STK40: variants seen among roughly 807,000 people sequenced by gnomAD.
STK40 encodes the protein serine/threonine-protein kinase 40.
Under a neutral mutation model 47.9 loss-of-function variants are expected in STK40, and 13 were observed. The observed-to-expected ratio is 0.27, with a 90% confidence interval of 0.18 to 0.43. The LOEUF (loss-of-function observed/expected upper bound fraction) is 0.43. Among genes scored for constraint, STK40 ranks in the 20% least tolerant of loss-of-function variants. The pLI is 1.00. For synonymous variants in STK40, 225 were observed against 243.2 expected (o/e 0.93, Z 0.69); for missense variants, 460 against 595.1 (o/e 0.77, Z 2.36).
chr1:36,375,198 G>A lies in STK40; in HGVS notation c.-9+10525C>T, dbSNP rs115673948. The stretch of plus-strand genomic sequence containing the variant: ...GCCCAGTACATAGGAGGCACTAGAC[G>A]CTTAACTTAGAAATGTTACGTTTCC... On this transcript the variant is annotated intron_variant, in intron 1 of 10. Coordinates refer to ENST00000373132, the MANE Select transcript of STK40 (RefSeq NM_001282547.2). Among the ~76,000 whole-genome samples the A allele has an allele frequency of 1.2e-3, 187 of 152,230 alleles. 1 individual carries two copies. The highest frequency in any genetic ancestry group is 4.3e-3 in the African/African-American group (178 of 41,546).
At chr1:36,344,379 G>A (rs534147826) in intron 7 of STK40, 115 bp from the exon 8 acceptor site, 2 of 1,378,814 alleles carry the variant, frequency 1.5e-6, no homozygotes, top group African/African-American at 2.9e-5. Context: ...TCCCCCCAGA[G>A]TCGTCCTCTG....
chr1:36,360,025 C>A (rs923565041), intron 2 of STK40, among the ~76,000 whole-genome samples: 3 of 152,166 alleles, frequency 2.0e-5, no homozygotes, highest in African/African-American at 7.2e-5. Context: ...ACCTACGGGC[C>A]CTTCTCATCT....
At chr1:36,377,860 TGCTGG>T (rs1362585899) in intron 1 of STK40, among the ~76,000 whole-genome samples, 1 of 152,206 alleles carries the variant, frequency 6.6e-6, no homozygotes, top group African/African-American at 2.4e-5. Context: ...ACCTGGGCCT[TGCTGG>T]AGCTGGCCCC....
chr1:36,344,085 G>T, intron 8 of STK40, 35 bp downstream of exon 8: 1 of 1,601,076 alleles, frequency 6.2e-7, no homozygotes, highest in Non-Finnish European at 8.5e-7. Flanking sequence ...CATCAGGCTG[G>T]CTGCCCCCCC....
chr1:36,359,862 C>T (rs546506124), intron 2 of STK40, among the ~76,000 whole-genome samples: 6 of 152,226 alleles, frequency 3.9e-5, no homozygotes, highest in Non-Finnish European at 8.8e-5. Context: ...TAGTTCCCAA[C>T]ATGGTAAGCC....
rs753697977 is a variant in STK40, at chr1:36,355,289, C to T, written c.487G>A (p.Val163Ile). 3.7e-6 allele frequency: 6 copies of T among 1,614,084 alleles called. No individual in the cohort carries two copies. The highest frequency in any genetic ancestry group is 3.3e-5 in the South Asian group (3 of 91,066). The stretch of plus-strand genomic sequence containing the variant: ...TCGCTGAGCCTCTTCTCCTTGATGA[C>T]GTAGTGCTGCAGGTTGATGAGGTCA... The part of the protein sequence containing the change: ...TADLINLQHY[V>I]IKEKRLSERE... The change falls in exon 5 of 11, where the codon GTC becomes ATC. Residue 163 changes from valine to isoleucine, a missense_variant. This residue lies in a region of STK40 where 277 missense variants were observed against 358.7 expected (regional missense o/e 0.77). Transcript: ENST00000373132.
At chr1:36,376,573 C>A (rs867055100) in intron 1 of STK40, among the ~76,000 whole-genome samples, 1 of 152,132 alleles carries the variant, frequency 6.6e-6, no homozygotes. Context: ...CACATGCCCC[C>A]AAGGCAGGAA....
Position 36,385,798 on chromosome 1 carries a change from G to A in STK40, c.-84C>T. 1 of 163,698 alleles carries A rather than the reference G, an allele frequency of 6.1e-6. No individual in the cohort carries two copies. The highest frequency in any genetic ancestry group is 1.3e-5 in the Non-Finnish European group (1 of 76,970). 10.1% of individuals were successfully genotyped at this position (163,698 alleles called of 1,614,324 possible). ...GGGCTGCTCGGCTCTCCCTCCCGGG[G>A]GGCCGGGGCCGGGCTGGAGGCGTGC... On this transcript the variant is annotated 5_prime_UTR_variant, in exon 1 of 11. Coordinates refer to ENST00000373132, the MANE Select transcript of STK40 (RefSeq NM_001282547.2).
At chr1:36,363,484 C>T (rs1229165094) in intron 1 of STK40, among the ~76,000 whole-genome samples, 4 of 152,070 alleles carry the variant, frequency 2.6e-5, no homozygotes, top group African/African-American at 9.7e-5. Context: ...TGACCATTCC[C>T]TATTTATGGA....
intron 4 of STK40, 105 bp downstream of exon 4, chr1:36,358,134 A>G (rs1646820584): frequency 1.5e-6 from 2 of 1,375,470 alleles, no homozygotes; most frequent in East Asian, 4.9e-5. Context: ...TGGCAGGGAC[A>G]CCCAAGGGTC....
chr1:36,356,418 CTTTTTT>C (rs1002682531), intron 4 of STK40, among the ~76,000 whole-genome samples: 3 of 116,804 alleles, frequency 2.6e-5, no homozygotes, highest in African/African-American at 6.5e-5. Flanking sequence ...TCTTCTTTTT[CTTTTTT>C]TTTTTTTTTT....
intron 10 of STK40, chr1:36,342,340 T>C: frequency 3.5e-6 from 1 of 288,322 alleles, no homozygotes; most frequent in Non-Finnish European, 6.8e-6. Context: ...GAGCAAGCCC[T>C]GGGCTGGGGG....
At chr1:36,380,337 C>A (rs1009389976) in intron 1 of STK40, among the ~76,000 whole-genome samples, 1 of 152,214 alleles carries the variant, frequency 6.6e-6, no homozygotes, top group Non-Finnish European at 1.5e-5. Flanking sequence ...GCCCGCCCAC[C>A]AGCACACCCC....
At chr1:36,370,962 C>T (rs892795700) in intron 1 of STK40, among the ~76,000 whole-genome samples, 19 of 151,830 alleles carry the variant, frequency 1.3e-4, no homozygotes, top group Admixed American at 3.9e-4. Context: ...CTGCAACCTC[C>T]GCCTCCTGGG....
intron 1 of STK40, among the ~76,000 whole-genome samples, chr1:36,370,545 G>A (rs1384186315): frequency 6.6e-6 from 1 of 152,180 alleles, no homozygotes; most frequent in African/African-American, 2.4e-5. Flanking sequence ...CTGAATGCGC[G>A]ATGCAACTGA....
chr1:36,348,211 T>A (rs1423900221), intron 7 of STK40, among the ~76,000 whole-genome samples: 5 of 152,238 alleles, frequency 3.3e-5, no homozygotes, highest in African/African-American at 1.2e-4. Flanking sequence ...AAGTAAAGGA[T>A]GACATCTCTT....
At chr1:36,360,426 G>C (rs894681187) in intron 2 of STK40, among the ~76,000 whole-genome samples, 1 of 152,158 alleles carries the variant, frequency 6.6e-6, no homozygotes, top group Admixed American at 6.6e-5. Flanking sequence ...AATAAATTTG[G>C]GGGGCTATAC....
At chr1:36,362,614 C>G (rs1646862718) in intron 1 of STK40, 1 of 152,172 alleles carries the variant, frequency 6.6e-6, no homozygotes, top group Non-Finnish European at 1.5e-5. Flanking sequence ...AGAACTCCAG[C>G]CTGTTCCTGT....
At chr1:36,362,274 G>A (rs534342736) in intron 1 of STK40, among the ~76,000 whole-genome samples, 225 of 152,296 alleles carry the variant, frequency 1.5e-3, no homozygotes, top group Non-Finnish European at 2.8e-3. Context: ...CAGGATCCGG[G>A]GGGGACAAGG....
Sources: gnomAD v4.1 joint callset for allele counts (sites outside exome capture counted in the v4.1 genomes callset) on GRCh38, gnomAD v4.1.1 for gene constraint, gnomAD v4.1.1 regional missense constraint, MANE v1.5 for transcripts, NCBI Gene and HGNC (gene_info 2026-07-23, HGNC 2026-07-21) for gene names.